Variants in SSBP3 observed in about 807,000 individuals in gnomAD.
The protein encoded by SSBP3 is single-stranded DNA-binding protein 3.
A neutral mutation model predicts 69.6 loss-of-function variants in SSBP3; 5 were observed. The ratio of observed to expected loss-of-function variants is 0.07; its 90% CI spans 0.04 to 0.15. The LOEUF (loss-of-function observed/expected upper bound fraction) is 0.15, where lower values mean the gene tolerates loss of function less well. Among genes scored for constraint, SSBP3 ranks in the 10% least tolerant of loss-of-function variants. SSBP3 has a pLI of 1.00. For synonymous variants in SSBP3, 196 were observed against 193.4 expected, an observed-to-expected ratio of 1.01 and a Z score of -0.11; for missense variants, 312 against 534.0, an observed-to-expected ratio of 0.58 and a Z score of 4.10.
At chr1:54,393,064 G>A (rs1348700267) in intron 4 of SSBP3, among the ~76,000 whole-genome samples, 1 of 152,212 alleles carries the variant, frequency 6.6e-6, no homozygotes, top group African/African-American at 2.4e-5. Context: ...GAATCATGGT[G>A]AAGAGGCCAA....
intron 5 of SSBP3, among the ~76,000 whole-genome samples, chr1:54,264,656 G>A (rs1645070231): frequency 6.6e-6 from 1 of 152,238 alleles, no homozygotes; most frequent in African/African-American, 2.4e-5. Context: ...GAGGTGGGGA[G>A]TATAGGCTAT....
chr1:54,300,401 G>A (rs1432269004), intron 4 of SSBP3, among the ~76,000 whole-genome samples: 1 of 152,162 alleles, frequency 6.6e-6, no homozygotes, highest in Non-Finnish European at 1.5e-5. Context: ...TTCAGCTCAG[G>A]GGCCCAGAGC....
At chr1:54,374,117 G>A (rs1025907279) in intron 4 of SSBP3, among the ~76,000 whole-genome samples, 9 of 152,228 alleles carry the variant, frequency 5.9e-5, no homozygotes, top group Non-Finnish European at 1.3e-4. Flanking sequence ...CTTTGAGAAT[G>A]GCAAAGTAGC....
chr1:54,343,097 A>G (rs947036233), intron 4 of SSBP3, among the ~76,000 whole-genome samples: 1 of 152,190 alleles, frequency 6.6e-6, no homozygotes, highest in African/African-American at 2.4e-5. Flanking sequence ...TGCGAGCTCC[A>G]TAGCCCGGAT....
intron 17 of SSBP3, among the ~76,000 whole-genome samples, chr1:54,227,954 A>T (rs1055631905): frequency 5.3e-5 from 8 of 152,140 alleles, no homozygotes; most frequent in African/African-American, 1.9e-4. Context: ...ATGGAAATGG[A>T]CCCGTGGGGC....
At position 54,404,729 on chromosome 1, in the gene SSBP3, C is replaced by A; in HGVS notation, c.130-92G>T. 2 of 1,448,666 alleles carry A rather than the reference C, an allele frequency of 1.4e-6. 1 individual carries two copies. Among genetic ancestry groups the A allele is most frequent in the South Asian group, 2.3e-5 (2 of 87,704 alleles). 89.7% of individuals were successfully genotyped at this position (1,448,666 alleles called of 1,614,324 possible). A position where few individuals can be genotyped will look rare whatever the true frequency, so the allele number is the denominator to read the frequency against. The stretch of plus-strand genomic sequence containing the variant: ...CCAAAAGGCTAGGAAGACCAACTAA[C>A]AATAAATGCCAAAAGGTGATAAAAA... On this transcript the variant is annotated intron_variant, in intron 2 of 17. Transcript: ENST00000610401.
intron 9 of SSBP3, among the ~76,000 whole-genome samples, chr1:54,251,181 C>A (rs1220617608): frequency 6.6e-6 from 1 of 152,190 alleles, no homozygotes; most frequent in Admixed American, 6.5e-5. Flanking sequence ...TGCTAAGTCG[C>A]AGGCAGAGCT....
At chr1:54,234,378 A>AACAAAT (rs1254068741) in intron 14 of SSBP3, among the ~76,000 whole-genome samples, 1 of 151,562 alleles carries the variant, frequency 6.6e-6, no homozygotes. Context: ...ATAAAAATAA[A>AACAAAT]AAATAAAAAA....
chr1:54,293,412 T>C (rs1163043566), intron 4 of SSBP3, among the ~76,000 whole-genome samples: 3 of 152,154 alleles, frequency 2.0e-5, no homozygotes, highest in Non-Finnish European at 2.9e-5. Flanking sequence ...GGACTTCTCA[T>C]AGAGGTGGTC....
chr1:54,365,559 T>C (rs751903913), intron 4 of SSBP3, among the ~76,000 whole-genome samples: 2 of 152,216 alleles, frequency 1.3e-5, no homozygotes, highest in East Asian at 1.9e-4. Context: ...GCTGGCACGA[T>C]GTGAGGGAAG....
intron 14 of SSBP3, among the ~76,000 whole-genome samples, chr1:54,233,931 T>G (rs1644437699): frequency 6.6e-6 from 1 of 152,204 alleles, no homozygotes; most frequent in Admixed American, 6.5e-5. Flanking sequence ...GGGAAAAGAT[T>G]GAGAAATCGG....
intron 4 of SSBP3, among the ~76,000 whole-genome samples, chr1:54,394,475 T>G (rs1340775806): frequency 6.6e-6 from 1 of 151,900 alleles, no homozygotes; most frequent in African/African-American, 2.4e-5. Flanking sequence ...CATCCTGGAC[T>G]GCATCTGTCT....
chr1:54,402,722 G>A (rs2100819444), intron 3 of SSBP3, among the ~76,000 whole-genome samples: 1 of 152,166 alleles, frequency 6.6e-6, no homozygotes, highest in South Asian at 2.1e-4. Flanking sequence ...GCCTAGAAAT[G>A]CCTGCCTCAC....
chr1:54,238,493 C>A, intron 14 of SSBP3: 1 of 372,068 alleles, frequency 2.7e-6, no homozygotes, highest in Non-Finnish European at 5.5e-6. Context: ...TCGGGCAACG[C>A]CCCCTGGGTG....
intron 17 of SSBP3, 73 bp downstream of exon 17, chr1:54,228,182 G>C: frequency 1.4e-6 from 2 of 1,399,294 alleles, no homozygotes; most frequent in Non-Finnish European, 2.0e-6. Context: ...GCCCGGCTCC[G>C]TAGCTCGCAA....
chr1:54,345,911 G>A (rs562587360), intron 4 of SSBP3, among the ~76,000 whole-genome samples: 3 of 151,926 alleles, frequency 2.0e-5, no homozygotes, highest in South Asian at 2.1e-4. Context: ...GGAGGCCGAC[G>A]CGGGTGGATC....
chr1:54,290,310 G>A (rs1425104776), intron 4 of SSBP3, among the ~76,000 whole-genome samples: 1 of 152,168 alleles, frequency 6.6e-6, no homozygotes, highest in African/African-American at 2.4e-5. Context: ...ACTTAAACAT[G>A]ACCCTTAGGT....
At chr1:54,410,246 C>G (rs916114153), upstream of SSBP3, among the ~76,000 whole-genome samples, 3 of 152,170 alleles carry the variant, frequency 2.0e-5, no homozygotes, top group African/African-American at 7.2e-5. Flanking sequence ...GCTAGAAGGG[C>G]CGCTCCTTCC....
exon 1 of SSBP3, chr1:54,406,058 C>CGCT: frequency 1.4e-6 from 2 of 1,405,330 alleles, no homozygotes; most frequent in Admixed American, 2.7e-5. Flanking sequence ...CCGCCGCCGC[C>CGCT]GCTACCGCTC....
Sources: allele counts gnomAD v4.1 joint callset (sites outside exome capture counted in the v4.1 genomes callset), GRCh38; gene constraint gnomAD v4.1.1; transcripts MANE v1.5; gene names NCBI Gene and HGNC (gene_info 2026-07-23, HGNC 2026-07-21).